EFCAB3: variants seen among roughly 807,000 people sequenced by gnomAD.
EFCAB3 encodes the protein EF-hand calcium-binding domain-containing protein 3.
In EFCAB3, 36 loss-of-function variants were observed where a neutral mutation model predicts 42.2. The ratio of observed to expected loss-of-function variants is 0.85; its 90% CI spans 0.65 to 1.13. The LOEUF (loss-of-function observed/expected upper bound fraction) is 1.13, where lower values mean the gene tolerates loss of function less well. EFCAB3 is among the 50% of genes most tolerant of loss of function. The pLI, the probability that EFCAB3 is intolerant of heterozygous loss-of-function variation, is 0.00. For synonymous variants in EFCAB3, 170 were observed against 172.8 expected, an observed-to-expected ratio of 0.98 and a Z score of 0.13; for missense variants, 418 against 505.1, an observed-to-expected ratio of 0.83 and a Z score of 1.65.
chr17:62,412,349 G>A (rs1372088258), intron 8 of EFCAB3, among the ~76,000 whole-genome samples: 13 of 133,088 alleles, frequency 9.8e-5, no homozygotes, highest in East Asian at 2.3e-4. Flanking sequence ...GCACTCCAGC[G>A]AGACTCTGTC....
chr17:62,412,888 C>A (rs2070511886), intron 8 of EFCAB3, among the ~76,000 whole-genome samples: 1 of 152,030 alleles, frequency 6.6e-6, no homozygotes, highest in African/African-American at 2.4e-5. Context: ...GAAAACGTGA[C>A]ATTTCAACAC....
At chr17:62,404,597 G>C (rs979831397) in intron 6 of EFCAB3, among the ~76,000 whole-genome samples, 3 of 152,064 alleles carry the variant, frequency 2.0e-5, no homozygotes, top group African/African-American at 7.2e-5. Context: ...GGGAGTTCAA[G>C]ACCAGCCTGA....
upstream of EFCAB3, among the ~76,000 whole-genome samples, chr17:62,378,523 C>T (rs2070167990): frequency 6.6e-6 from 1 of 151,972 alleles, no homozygotes; most frequent in Non-Finnish European, 1.5e-5. Context: ...TTCAGCGAGG[C>T]CCCCTCTCTA....
chr17:62,390,176 A>G (rs931492293), intron 3 of EFCAB3, among the ~76,000 whole-genome samples: 1 of 152,200 alleles, frequency 6.6e-6, no homozygotes, highest in African/African-American at 2.4e-5. Flanking sequence ...GTACTTTTTA[A>G]GGGAGAAACA....
chr17:62,393,521 G>C, intron 4 of EFCAB3, 52 bp from the exon 5 acceptor site: 1 of 1,361,888 alleles, frequency 7.3e-7, no homozygotes, highest in Non-Finnish European at 1.0e-6. Context: ...TATATACTCT[G>C]ATAATTAAAA....
At chr17:62,411,740 C>A (rs1361478349) in intron 8 of EFCAB3, among the ~76,000 whole-genome samples, 1 of 149,330 alleles carries the variant, frequency 6.7e-6, no homozygotes, top group Admixed American at 6.7e-5. Context: ...TGCACTCCAG[C>A]CTGGGCCACC....
chr17:62,413,358 T>G (rs1200586593), intron 8 of EFCAB3, among the ~76,000 whole-genome samples: 2 of 152,230 alleles, frequency 1.3e-5, no homozygotes, highest in Non-Finnish European at 2.9e-5. Context: ...GATATTTATC[T>G]TTTCATATTA....
intron 9 of EFCAB3, among the ~76,000 whole-genome samples, chr17:62,414,097 T>C (rs1020965455): frequency 6.6e-6 from 1 of 152,266 alleles, no homozygotes; most frequent in African/African-American, 2.4e-5. Flanking sequence ...CACTGTTATT[T>C]CTGGGACATT....
chr17:62,396,410 A>G (rs1435717519), intron 6 of EFCAB3, among the ~76,000 whole-genome samples: 1 of 151,966 alleles, frequency 6.6e-6, no homozygotes, highest in African/African-American at 2.4e-5. Context: ...AAAATTAGCC[A>G]GGCATAGTGG....
At chr17:62,387,596 C>A (rs1447418661) in intron 3 of EFCAB3, among the ~76,000 whole-genome samples, 180 bp downstream of exon 3, 1 of 152,030 alleles carries the variant, frequency 6.6e-6, no homozygotes, top group Non-Finnish European at 1.5e-5. Context: ...TGGACATCTC[C>A]CTAGAATTTA....
intron 2 of EFCAB3, among the ~76,000 whole-genome samples, chr17:62,386,812 A>C (rs1288870529): frequency 6.6e-6 from 1 of 151,752 alleles, no homozygotes; most frequent in Non-Finnish European, 1.5e-5. Context: ...TTTTTGAGAT[A>C]GGGTCTCACT....
intron 6 of EFCAB3, among the ~76,000 whole-genome samples, chr17:62,403,885 AG>A (rs2070426037): frequency 6.6e-6 from 1 of 152,156 alleles, no homozygotes; most frequent in Non-Finnish European, 1.5e-5. Flanking sequence ...CCTGACCTCA[AG>A]TGATCCACCC....
chr17:62,399,819 C>T (rs559086719), intron 6 of EFCAB3, among the ~76,000 whole-genome samples: 2 of 152,196 alleles, frequency 1.3e-5, no homozygotes, highest in African/African-American at 4.8e-5. Context: ...CTATTCATCA[C>T]CTTTTAATAT....
intron 6 of EFCAB3, among the ~76,000 whole-genome samples, chr17:62,405,232 T>C (rs62074033): frequency 0.38 from 57,330 of 152,110 alleles, 13,912 homozygotes; most frequent in Non-Finnish European, 0.53. Context: ...GATGACATTG[T>C]GGATGGTTGA....
chr17:62,404,416 T>G (rs570661468), intron 6 of EFCAB3, among the ~76,000 whole-genome samples: 1 of 152,268 alleles, frequency 6.6e-6, no homozygotes, highest in Non-Finnish European at 1.5e-5. Flanking sequence ...AAGGACTGCT[T>G]GAGTCCAGGA....
chr17:62,414,792 C>T (rs1250963032), intron 9 of EFCAB3, among the ~76,000 whole-genome samples: 4 of 152,032 alleles, frequency 2.6e-5, no homozygotes, highest in Non-Finnish European at 5.9e-5. Flanking sequence ...CCAGGTCTGG[C>T]TGATTGTCAT....
In EFCAB3 at chr17:62,416,090, G is replaced by C. The variant is rs796926697; in HGVS notation, c.1078G>C (p.Asp360His). 1.2e-6 allele frequency: 2 copies of C among 1,613,872 alleles called. No individual in the cohort carries two copies. Among genetic ancestry groups the C allele is most frequent in the Admixed American group, 1.7e-5 (1 of 59,992 alleles). The change falls in exon 10 of 10, where the codon GAT (aspartate) becomes CAT (histidine). Residue 360 changes from aspartate to histidine, a missense_variant. Transcript: ENST00000305286. ...MLNLWQKIRG[D>H]LIGMDSRNES... The stretch of plus-strand genomic sequence containing the variant: ...AAACCTCTGGCAGAAGATCCGAGGG[G>C]ATTTGATTGGGATGGACTCTAGAAA...
At chr17:62,394,126 T>G in intron 5 of EFCAB3, among the ~76,000 whole-genome samples, 1 of 152,228 alleles carries the variant, frequency 6.6e-6, no homozygotes, top group East Asian at 1.9e-4. Context: ...GCTAATTTTT[T>G]GTATTTTTAG....
At chr17:62,393,258 C>T (rs2070319846) in intron 4 of EFCAB3, among the ~76,000 whole-genome samples, 1 of 152,146 alleles carries the variant, frequency 6.6e-6, no homozygotes, top group South Asian at 2.1e-4. Context: ...GTGGTTATAG[C>T]ATGGGAAGAC....
Sources: gnomAD v4.1 joint callset for allele counts (sites outside exome capture counted in the v4.1 genomes callset) on GRCh38, gnomAD v4.1.1 for gene constraint, MANE v1.5 for transcripts, NCBI Gene and HGNC (gene_info 2026-07-23, HGNC 2026-07-21) for gene names.